Variants in FAM13A observed in about 807,000 individuals in gnomAD.
The protein encoded by FAM13A is protein FAM13A.
Under a neutral mutation model 129.6 loss-of-function variants are expected in FAM13A, and 76 were observed. That is an observed-to-expected ratio of 0.59 (90% confidence interval 0.49 to 0.71). FAM13A has a LOEUF of 0.71. Among genes scored for constraint, FAM13A ranks in the 30% least tolerant of loss-of-function variants. The pLI is 0.00. For synonymous variants in FAM13A, 443 were observed against 449.9 expected (o/e 0.98, Z 0.20); for missense variants, 1,108 against 1,249.3 (o/e 0.89, Z 1.70).
chr4:88,920,711 GA>G (rs1253491110), intron 5 of FAM13A, among the ~76,000 whole-genome samples: 1 of 152,216 alleles, frequency 6.6e-6, no homozygotes, highest in Non-Finnish European at 1.5e-5. Context: ...GAACAACTTT[GA>G]CGAGTTGAGA....
intron 1 of FAM13A, among the ~76,000 whole-genome samples, chr4:89,046,024 C>CA (rs34619235): frequency 0.4 from 41,166 of 102,972 alleles, 7,077 homozygotes; most frequent in East Asian, 0.63. Context: ...AACTCCATCT[C>CA]AAAAAAAAAA....
chr4:88,855,314 G>GA (rs1738303990), intron 6 of FAM13A: 1 of 151,724 alleles, frequency 6.6e-6, no homozygotes, highest in Middle Eastern at 3.4e-3. Context: ...ATAGCCTTAG[G>GA]AAAAAAATCA....
intron 5 of FAM13A, among the ~76,000 whole-genome samples, chr4:88,921,176 A>G (rs1018580195): frequency 3.3e-5 from 5 of 152,076 alleles, no homozygotes; most frequent in Admixed American, 1.3e-4. Flanking sequence ...GCAGGCCAAC[A>G]TTCAGATTCA....
At chr4:88,802,200 A>G (rs969105145) in intron 8 of FAM13A, among the ~76,000 whole-genome samples, 2 of 151,970 alleles carry the variant, frequency 1.3e-5, no homozygotes, top group African/African-American at 4.8e-5. Flanking sequence ...ATTCTGCTGT[A>G]GTCTTACTAA....
intron 7 of FAM13A, among the ~76,000 whole-genome samples, chr4:88,845,625 C>T (rs1372854937): frequency 1.3e-5 from 2 of 152,152 alleles, no homozygotes; most frequent in East Asian, 1.9e-4. Context: ...GTGTGAGATA[C>T]ATTCCTGGGG....
At position 88,892,272 on chromosome 4, in the gene FAM13A, C is replaced by A. The variant is rs540294579; in HGVS notation, c.843+14107G>T. 3.9e-3 allele frequency among the ~76,000 whole-genome samples: 583 copies of A among 148,214 alleles called. 1 individual carries two copies. Among genetic ancestry groups the A allele is most frequent in the Non-Finnish European group, 6.2e-3 (419 of 67,366 alleles). ...TCGGCTCACTGCAAGCTCCACCTCC[C>A]GGGTTCACACCATTCTACTGCCTCA... On this transcript the variant is annotated intron_variant, in intron 6 of 23. Coordinates refer to ENST00000264344, the MANE Select transcript of FAM13A (RefSeq NM_014883.4).
intron 5 of FAM13A, among the ~76,000 whole-genome samples, chr4:88,923,802 C>G: frequency 6.6e-6 from 1 of 151,834 alleles, no homozygotes. Flanking sequence ...ATCTAGAAAA[C>G]CCCATTGTCT....
In FAM13A at chr4:89,029,671, A is replaced by G. The variant is rs1160715096; in HGVS notation, c.28-22T>C. The G allele has an allele frequency of 5.1e-6, 8 of 1,569,202 alleles. No individual in the cohort carries two copies. The Middle Eastern group carries it at 6.7e-4, about 131-fold the overall frequency. ...TTTGCTTAAAGGAGCGTAAGAAAAA[A>G]GAGCAGTCAGTCATATTTACCACAG... On this transcript the variant is annotated intron_variant, in intron 1 of 23. Transcript: ENST00000264344.
At chr4:88,762,312 A>G (rs186367416) in intron 13 of FAM13A, among the ~76,000 whole-genome samples, 1 of 152,298 alleles carries the variant, frequency 6.6e-6, no homozygotes, top group African/African-American at 2.4e-5. Context: ...GTCAACTTAC[A>G]TGAGCTTCCA....
chr4:88,734,057 G>C (rs1307800448), intron 21 of FAM13A, among the ~76,000 whole-genome samples: 1 of 152,234 alleles, frequency 6.6e-6, no homozygotes, highest in Non-Finnish European at 1.5e-5. Context: ...AAGTGTTGTA[G>C]ATACTGGGTA....
chr4:88,800,699 AAAAAAAAAAAG>A (rs909125325), intron 8 of FAM13A, among the ~76,000 whole-genome samples: 6 of 150,882 alleles, frequency 4.0e-5, no homozygotes, highest in South Asian at 4.2e-4. Context: ...ACAAAAACAA[AAAAAAAAAAAG>A]AAAAAAAAAA....
rs775567296 is a variant in FAM13A at position 88,921,458 on chromosome 4, A to G, written c.760-14996T>C. On this transcript the variant is annotated intron_variant, in intron 5 of 23. Transcript: ENST00000264344. ...TTCATATCCAGCCAAACTAATCTTC[A>G]TAAGTGAAGGAGAAATAAAATCCTT... 5.3e-4 allele frequency among the ~76,000 whole-genome samples: 81 copies of G among 152,352 alleles called. 1 individual carries two copies. The highest frequency in any genetic ancestry group is 9.6e-4 in the Non-Finnish European group (65 of 68,046).
intron 5 of FAM13A, among the ~76,000 whole-genome samples, chr4:88,927,872 T>A (rs1017355888): frequency 2.0e-5 from 3 of 152,120 alleles, no homozygotes; most frequent in Admixed American, 6.6e-5. Context: ...TCTATTCTGA[T>A]CTTTGTTATT....
intron 14 of FAM13A, among the ~76,000 whole-genome samples, chr4:88,756,206 T>TA (rs1221408129): frequency 6.6e-6 from 1 of 152,194 alleles, no homozygotes. Context: ...ATAAAACAGC[T>TA]ATGTATATTT....
chr4:88,955,595 A>G (rs1757626510), intron 4 of FAM13A, among the ~76,000 whole-genome samples: 1 of 152,210 alleles, frequency 6.6e-6, no homozygotes, highest in Admixed American at 6.5e-5. Flanking sequence ...GGACAGGAAG[A>G]TGTAGGAAAA....
At chr4:88,831,434 C>T (rs1405770632) in intron 7 of FAM13A, among the ~76,000 whole-genome samples, 1 of 152,164 alleles carries the variant, frequency 6.6e-6, no homozygotes, top group Non-Finnish European at 1.5e-5. Flanking sequence ...TGGTAACTGA[C>T]TGGCTGATTC....
intron 11 of FAM13A, among the ~76,000 whole-genome samples, chr4:88,780,136 C>T (rs571373648): frequency 3.3e-5 from 5 of 152,218 alleles, no homozygotes; most frequent in African/African-American, 1.2e-4. Context: ...TTTCTGTTCA[C>T]TCTAGCTGAT....
In FAM13A at chr4:88,781,227, G is replaced by C; in HGVS notation, c.1396C>G (p.Pro466Ala). ...TTAGTACTGGATTTCTGACGTTTAG[G>C]CTTGCTCCTTTCTCCAGCACAACCA... Reference protein sequence around the residue: ...TFGCAGERSKPKRQKSSTKLS... With the variant: ...TFGCAGERSKAKRQKSSTKLS... The change falls in exon 11 of 24, where the codon CCT becomes GCT. Residue 466 changes from proline (P) to alanine (A), a missense_variant. Transcript: ENST00000264344. 1 of 1,612,410 alleles carries C rather than the reference G, an allele frequency of 6.2e-7. No homozygotes were observed. The highest frequency in any genetic ancestry group is 8.5e-7 in the Non-Finnish European group (1 of 1,179,152).
chr4:88,906,274 C>A (rs1262886504), intron 6 of FAM13A, 105 bp downstream of exon 6: 17 of 815,862 alleles, frequency 2.1e-5, no homozygotes, highest in Non-Finnish European at 3.2e-5. Flanking sequence ...GACGATAAAG[C>A]AAGACTCTGT....
Sources: allele counts gnomAD v4.1 joint callset (sites outside exome capture counted in the v4.1 genomes callset), GRCh38; gene constraint gnomAD v4.1.1; transcripts MANE v1.5; gene names NCBI Gene and HGNC (gene_info 2026-07-23, HGNC 2026-07-21).